The following RPTOR variants were observed in gnomAD, a reference collection of about 807,000 sequenced individuals.
RPTOR encodes the protein regulatory-associated protein of mTOR.
RPTOR carries 21 observed loss-of-function variants against 169.9 expected under a neutral mutation model. The observed-to-expected ratio is 0.12, with a 90% confidence interval of 0.09 to 0.18. The LOEUF (loss-of-function observed/expected upper bound fraction) is 0.18, where lower values mean the gene tolerates loss of function less well. Among genes scored for constraint, RPTOR ranks in the 10% least tolerant of loss-of-function variants. The pLI is 1.00. For missense variants in RPTOR, 1,133 were observed against 1,855.9 expected (o/e 0.61, Z 7.16); for synonymous variants, 732 against 753.2 (o/e 0.97, Z 0.46).
At chr17:80,874,002 A>G (rs1261329987) in intron 13 of RPTOR, among the ~76,000 whole-genome samples, 1 of 152,210 alleles carries the variant, frequency 6.6e-6, no homozygotes, top group East Asian at 1.9e-4. Flanking sequence ...AATAAGGATT[A>G]CATGTAGGGG....
chr17:80,851,708 GATTGTGAACCAGC>G (rs1387136211), intron 11 of RPTOR, among the ~76,000 whole-genome samples: 1 of 152,234 alleles, frequency 6.6e-6, no homozygotes, highest in East Asian at 1.9e-4. Flanking sequence ...TCACGGTGGT[GATTGTGAACCAGC>G]GTCCCGCTTG....
At chr17:80,840,711 A>ACTCT (rs1186814657) in intron 10 of RPTOR, among the ~76,000 whole-genome samples, 10 of 75,286 alleles carry the variant, frequency 1.3e-4, no homozygotes, top group East Asian at 4.7e-4. Context: ...ACGGCAGCTC[A>ACTCT]CACCACACGG....
At chr17:80,963,451 G>T (rs2069375533) in intron 33 of RPTOR, among the ~76,000 whole-genome samples, 1 of 71,288 alleles carries the variant, frequency 1.4e-5, no homozygotes, top group African/African-American at 6.1e-5. Flanking sequence ...CGTCCCCTCT[G>T]CGGCCCTCAC....
In RPTOR at chr17:80,936,744, C is replaced by T. The variant is rs555274016; in HGVS notation, c.2920-3752C>T. On this transcript the variant is annotated intron_variant, in intron 24 of 33. Coordinates refer to ENST00000306801, the MANE Select transcript of RPTOR (RefSeq NM_020761.3). This position sits in a 1 kb window ranked among gnomAD's most constrained non-coding sequence, Gnocchi z 4.1. ...ACGTAAGTTACATCTTCATCAACCT[C>T]ATGTTGCGGGGAGAAGAAACTCTTT... Among the ~76,000 whole-genome samples the T allele has an allele frequency of 5.3e-5, 8 of 152,358 alleles. No individual in the cohort carries two copies. The South Asian group carries it at 1.7e-3, about 32-fold the overall frequency.
chr17:80,811,974 G>A (rs937952434), intron 7 of RPTOR, among the ~76,000 whole-genome samples: 3 of 151,648 alleles, frequency 2.0e-5, no homozygotes, highest in Middle Eastern at 3.2e-3. Flanking sequence ...GTGGGACACA[G>A]CCACAGCCTC....
intron 23 of RPTOR, chr17:80,924,063 G>T (rs1445656774): frequency 1.1e-5 from 3 of 270,540 alleles, no homozygotes; most frequent in Non-Finnish European, 2.1e-5. Flanking sequence ...GTCCGCTTGG[G>T]GGCAGCTGCA....
rs544025426 is a variant in RPTOR, at chr17:80,737,580, C to T, written c.654+6874C>T. Among the ~76,000 whole-genome samples, 14 of 152,210 alleles carry T rather than the reference C, an allele frequency of 9.2e-5. No homozygotes were observed. The South Asian group carries it at 2.9e-3, about 32-fold the overall frequency. ...ACTCCAGGCTTGGGCATGGGGGCTG[C>T]CTTCCACTTCCCTTCTCTGCATGTG... On this transcript the variant is annotated intron_variant, in intron 5 of 33. Transcript: ENST00000306801.
chr17:80,713,080 T>G (rs1447306119), intron 4 of RPTOR, among the ~76,000 whole-genome samples: 2 of 152,178 alleles, frequency 1.3e-5, no homozygotes, highest in Non-Finnish European at 2.9e-5. Flanking sequence ...TTTTTGTTTT[T>G]GTTTTGAGAT....
chr17:80,849,855 G>A (rs1000510307), intron 11 of RPTOR, among the ~76,000 whole-genome samples: 2 of 152,184 alleles, frequency 1.3e-5, no homozygotes, highest in African/African-American at 2.4e-5. Flanking sequence ...CTGGACTCTC[G>A]TGGCCTGTGG....
intron 21 of RPTOR, among the ~76,000 whole-genome samples, chr17:80,916,066 T>G (rs1219983755): frequency 6.6e-6 from 1 of 152,194 alleles, no homozygotes; most frequent in African/African-American, 2.4e-5. Context: ...ACCTCATTCT[T>G]CCTGGATGCA....
chr17:80,566,691 G>A (rs1199933265), intron 1 of RPTOR, among the ~76,000 whole-genome samples: 4 of 151,694 alleles, frequency 2.6e-5, no homozygotes, highest in African/African-American at 9.7e-5. Context: ...CAGTGAGGTG[G>A]CAGGCACCTG....
intron 1 of RPTOR, among the ~76,000 whole-genome samples, chr17:80,614,879 G>A (rs1302812240): frequency 1.3e-5 from 2 of 152,166 alleles, no homozygotes; most frequent in African/African-American, 2.4e-5. Flanking sequence ...TGTTGCCTTC[G>A]TCACCAGGAC....
At chr17:80,749,240 A>G (rs868339341) in intron 5 of RPTOR, among the ~76,000 whole-genome samples, 1 of 14,470 alleles carries the variant, frequency 6.9e-5, no homozygotes. Context: ...AGGCCGTGGC[A>G]GGAGGACCTG....
intron 1 of RPTOR, among the ~76,000 whole-genome samples, chr17:80,571,191 A>C (rs1428891719): frequency 6.6e-6 from 1 of 152,228 alleles, no homozygotes; most frequent in Non-Finnish European, 1.5e-5. Context: ...AGGTTTAGTT[A>C]ATTATACAGA....
At position 80,891,854 on chromosome 17, in the gene RPTOR, T is replaced by A; in HGVS notation, c.2101+17T>A. ...CAACCACAGGTATGGCGTCTTCTCC[T>A]GTGAACCCGCAGAGCACCTCGCCTG... On this transcript the variant is annotated intron_variant, in intron 18 of 33. Transcript: ENST00000306801. 1.3e-6 allele frequency: 2 copies of A among 1,565,226 alleles called. No individual in the cohort carries two copies. The highest frequency in any genetic ancestry group is 2.2e-5 in the South Asian group (2 of 89,814).
Position 80,570,518 on chromosome 17 carries a change from T to C in RPTOR, c.162+24727T>C, listed in dbSNP as rs1315500617. 2.0e-5 allele frequency among the ~76,000 whole-genome samples: 3 copies of C among 152,128 alleles called. No homozygotes were observed. In the South Asian group the frequency reaches 6.2e-4, roughly 32 times the overall value. On this transcript the variant is annotated intron_variant, in intron 1 of 33. Coordinates refer to ENST00000306801, the MANE Select transcript of RPTOR (RefSeq NM_020761.3). The stretch of plus-strand genomic sequence containing the variant: ...CTCTGTCACCCAGGCTGGAGTGCAA[T>C]GGTGCAGTCTCGGCTCACTGCAACC...
intron 13 of RPTOR, among the ~76,000 whole-genome samples, chr17:80,863,813 A>G (rs1376440085): frequency 6.6e-6 from 1 of 152,200 alleles, no homozygotes; most frequent in Non-Finnish European, 1.5e-5. Context: ...CCAGCCATTC[A>G]GAAGGCTGAG....
chr17:80,708,023 T>C lies in RPTOR; in HGVS notation c.507+24T>C, dbSNP rs1277388509. The C allele has an allele frequency of 3.7e-6, 6 of 1,603,786 alleles. No individual in the cohort carries two copies. In the South Asian group the frequency reaches 6.7e-5, roughly 18 times the overall value. On this transcript the variant is annotated intron_variant, in intron 4 of 33. Transcript: ENST00000306801. The surrounding 1 kb of genome is among the most constrained non-coding windows in gnomAD (Gnocchi z 4.2). Reference sequence around the variant, plus strand: ...AGGTGGGTGTGCCTTCCAGCTTCCTTCCCGTTTCTGCCAAAAGCCATGCCA... The same window carrying C: ...AGGTGGGTGTGCCTTCCAGCTTCCTCCCCGTTTCTGCCAAAAGCCATGCCA...
chr17:80,616,791 A>G (rs1485754158), intron 1 of RPTOR, among the ~76,000 whole-genome samples: 1 of 152,122 alleles, frequency 6.6e-6, no homozygotes, highest in Non-Finnish European at 1.5e-5. Flanking sequence ...GCCCTTTGCT[A>G]TACTTACTTT....
Sources: gnomAD v4.1 joint callset for allele counts (sites outside exome capture counted in the v4.1 genomes callset) on GRCh38, gnomAD v4.1.1 for gene constraint, Gnocchi (gnomAD v3.1) non-coding constraint, MANE v1.5 for transcripts, NCBI Gene and HGNC (gene_info 2026-07-23, HGNC 2026-07-21) for gene names.